HMGCLL1: variants seen among roughly 807,000 people sequenced by gnomAD.
HMGCLL1 encodes 3-hydroxymethyl-3-methylglutaryl-CoA lyase, cytoplasmic.
In HMGCLL1, 36 loss-of-function variants were observed where a neutral mutation model predicts 39.1. The ratio of observed to expected loss-of-function variants is 0.92; its 90% CI spans 0.71 to 1.22. The LOEUF (loss-of-function observed/expected upper bound fraction) is 1.22. HMGCLL1 is among the 50% of genes most tolerant of loss of function. HMGCLL1 has a pLI of 0.00. For synonymous variants in HMGCLL1, 149 were observed against 144.0 expected, an observed-to-expected ratio of 1.03 and a Z score of -0.25; for missense variants, 451 against 416.5, an observed-to-expected ratio of 1.08 and a Z score of -0.72.
At chr6:55,658,283 C>T in the HMGCLL1 span, among the ~76,000 whole-genome samples, 1,894 of 152,004 alleles carry the variant, frequency 0.012, 12 homozygotes, top group Non-Finnish European at 0.018. Flanking sequence ...GAACCCCAGG[C>T]AAATTCTGTT....
chr6:55,659,152 G>A, the HMGCLL1 span, among the ~76,000 whole-genome samples: 2 of 151,826 alleles, frequency 1.3e-5, no homozygotes, highest in African/African-American at 4.8e-5. Context: ...AACAAGAGAG[G>A]GAGAAAGGTC....
the HMGCLL1 span, among the ~76,000 whole-genome samples, chr6:55,665,584 C>T: frequency 6.6e-6 from 1 of 151,718 alleles, no homozygotes; most frequent in Non-Finnish European, 1.5e-5. Flanking sequence ...CCCCACCCCA[C>T]AACTGTCCAG....
chr6:55,604,708 T>C, the HMGCLL1 span, among the ~76,000 whole-genome samples: 1 of 152,152 alleles, frequency 6.6e-6, no homozygotes. Flanking sequence ...AAATATTCCA[T>C]TTGGCAGAAA....
chr6:55,451,377 C>T (rs1323424282), intron 7 of HMGCLL1, among the ~76,000 whole-genome samples: 4 of 152,216 alleles, frequency 2.6e-5, no homozygotes, highest in African/African-American at 9.6e-5. Context: ...AATCCCAGCA[C>T]TTTGGGAGAC....
At chr6:55,590,773 A>G in the HMGCLL1 span, among the ~76,000 whole-genome samples, 2 of 151,974 alleles carry the variant, frequency 1.3e-5, no homozygotes, top group Non-Finnish European at 2.9e-5. Flanking sequence ...TAAAGACACT[A>G]ATTTTAAAGT....
At chr6:55,537,648 G>A (rs546114641) in intron 3 of HMGCLL1, among the ~76,000 whole-genome samples, 27 of 152,180 alleles carry the variant, frequency 1.8e-4, no homozygotes, top group African/African-American at 5.3e-4. Context: ...GACCATTCAC[G>A]TGCCTTATAA....
intron 3 of HMGCLL1, among the ~76,000 whole-genome samples, chr6:55,535,278 A>G (rs895024572): frequency 4.6e-5 from 7 of 152,158 alleles, no homozygotes; most frequent in African/African-American, 1.7e-4. Context: ...AACCATGACA[A>G]CTCTTATAAG....
chr6:55,494,308 C>T (rs1766470409), intron 7 of HMGCLL1, among the ~76,000 whole-genome samples: 4 of 146,988 alleles, frequency 2.7e-5, no homozygotes, highest in South Asian at 2.2e-4. Flanking sequence ...TATATTCATA[C>T]AGAGAAACGA....
chr6:55,478,666 T>A (rs1178834628), intron 7 of HMGCLL1, among the ~76,000 whole-genome samples: 1 of 151,372 alleles, frequency 6.6e-6, no homozygotes, highest in African/African-American at 2.4e-5. Context: ...AAATTTTTCA[T>A]ATATATATAT....
chr6:55,441,575 A>T (rs1337317970), intron 7 of HMGCLL1, among the ~76,000 whole-genome samples: 1 of 152,136 alleles, frequency 6.6e-6, no homozygotes, highest in East Asian at 1.9e-4. Flanking sequence ...GGTGTCTTTT[A>T]TCTGTTCTGG....
the HMGCLL1 span, among the ~76,000 whole-genome samples, chr6:55,606,784 A>ATTT: frequency 6.6e-6 from 1 of 152,224 alleles, no homozygotes; most frequent in African/African-American, 2.4e-5. Flanking sequence ...AAGATAAAGG[A>ATTT]TTTTGGGTGA....
chr6:55,676,948 A>G, the HMGCLL1 span, among the ~76,000 whole-genome samples: 1 of 152,216 alleles, frequency 6.6e-6, no homozygotes, highest in African/African-American at 2.4e-5. Flanking sequence ...ATTACTTCGT[A>G]TACTTGGATG....
chr6:55,660,419 C>T, the HMGCLL1 span, among the ~76,000 whole-genome samples: 5 of 151,944 alleles, frequency 3.3e-5, no homozygotes, highest in African/African-American at 1.2e-4. Context: ...CTCTTTGTTT[C>T]TGTGTGTTCT....
chr6:55,453,953 T>C (rs1764215448), intron 7 of HMGCLL1, among the ~76,000 whole-genome samples: 1 of 152,204 alleles, frequency 6.6e-6, no homozygotes, highest in Admixed American at 6.5e-5. Context: ...TAGTGAAAGG[T>C]GAAAGTTGCT....
intron 1 of HMGCLL1, among the ~76,000 whole-genome samples, chr6:55,571,299 A>G (rs992151408): frequency 2.6e-5 from 4 of 152,220 alleles, no homozygotes; most frequent in African/African-American, 9.6e-5. Flanking sequence ...TATGCCTGGT[A>G]CATGTTATTT....
chr6:55,508,517 G>T (rs924438425), intron 5 of HMGCLL1, among the ~76,000 whole-genome samples: 1 of 151,614 alleles, frequency 6.6e-6, no homozygotes, highest in African/African-American at 2.4e-5. Flanking sequence ...AATTTCATAT[G>T]AATAGTGTTT....
At chr6:55,502,608 G>C (rs1038988225) in intron 5 of HMGCLL1, among the ~76,000 whole-genome samples, 4 of 151,564 alleles carry the variant, frequency 2.6e-5, no homozygotes, top group Admixed American at 2.6e-4. Context: ...CATGTAATCT[G>C]CTGTTCAATT....
chr6:55,668,157 A>T, the HMGCLL1 span, among the ~76,000 whole-genome samples: 1 of 151,878 alleles, frequency 6.6e-6, no homozygotes, highest in Non-Finnish European at 1.5e-5. Context: ...GCTAAAATGG[A>T]TGTTTGAGTT....
the HMGCLL1 span, among the ~76,000 whole-genome samples, chr6:55,633,735 A>G: frequency 1.2e-4 from 19 of 152,138 alleles, no homozygotes; most frequent in Admixed American, 4.6e-4. Flanking sequence ...TCACAGCAGG[A>G]ATAATCATCA....
Sources: gnomAD v4.1 joint callset for allele counts (sites outside exome capture counted in the v4.1 genomes callset) on GRCh38, gnomAD v4.1.1 for gene constraint, MANE v1.5 for transcripts, NCBI Gene and HGNC (gene_info 2026-07-23, HGNC 2026-07-21) for gene names.